GRIP1: variants seen among roughly 807,000 people sequenced by gnomAD.
GRIP1 encodes the protein glutamate receptor interacting protein 1.
GRIP1 carries 45 observed loss-of-function variants against 129.9 expected under a neutral mutation model. That is an observed-to-expected ratio of 0.35 (90% CI 0.27 to 0.44). GRIP1 has a LOEUF of 0.44. Among genes scored for constraint, GRIP1 ranks in the 20% least tolerant of loss-of-function variants. The probability of loss-of-function intolerance (pLI) is 1.00; values close to 1 mark genes in which losing one functional copy is unlikely to be tolerated. For synonymous variants in GRIP1, 530 were observed against 520.8 expected, an observed-to-expected ratio of 1.02 and a Z score of -0.24; for missense variants, 1,196 against 1,396.8, an observed-to-expected ratio of 0.86 and a Z score of 2.29.
chr12:66,613,848 A>T (rs923932216), intron 1 of GRIP1, among the ~76,000 whole-genome samples: 4 of 152,196 alleles, frequency 2.6e-5, no homozygotes, highest in Non-Finnish European at 5.9e-5. Context: ...TGCATCCTGG[A>T]GTTTAAAACA....
rs150592944 is a variant in GRIP1 at position 66,698,660 on chromosome 12, C to T, written c.-419-68324G>A. ...TTCGGTGAAGATAATAATAGTCTGG[C>T]CCCCCACCTCCTTTGTTGGCTCTAG... On this transcript the variant is annotated intron_variant, in intron 1 of 4. Transcript: ENST00000538373. Among the ~76,000 whole-genome samples, 497 of 152,212 alleles carry T rather than the reference C, an allele frequency of 3.3e-3. 1 individual carries two copies. Among genetic ancestry groups the T allele is most frequent in the African/African-American group, 0.011 (468 of 41,530 alleles).
chr12:66,676,390 T>G (rs1029118567), intron 1 of GRIP1, among the ~76,000 whole-genome samples: 1 of 152,158 alleles, frequency 6.6e-6, no homozygotes, highest in African/African-American at 2.4e-5. Context: ...GTGGGTGATA[T>G]CAACCACAAA....
chr12:66,612,559 C>G (rs1442359083), intron 1 of GRIP1, among the ~76,000 whole-genome samples: 1 of 152,014 alleles, frequency 6.6e-6, no homozygotes, highest in African/African-American at 2.4e-5. Flanking sequence ...ATCACTTGAG[C>G]CTGGGAGGTT....
intron 1 of GRIP1, among the ~76,000 whole-genome samples, chr12:67,050,996 A>G (rs975397618): frequency 6.6e-6 from 1 of 152,222 alleles, no homozygotes; most frequent in Non-Finnish European, 1.5e-5. Flanking sequence ...AGACTTAGGC[A>G]GATACTGAAC....
At chr12:66,666,231 T>C (rs1014564002) in intron 1 of GRIP1, among the ~76,000 whole-genome samples, 1 of 152,194 alleles carries the variant, frequency 6.6e-6, no homozygotes, top group African/African-American at 2.4e-5. Flanking sequence ...TATTTTTCAC[T>C]GGAGAATCAA....
intron 1 of GRIP1, among the ~76,000 whole-genome samples, chr12:66,646,495 G>A (rs764333935): frequency 6.6e-5 from 10 of 152,274 alleles, no homozygotes; most frequent in South Asian, 2.1e-4. Context: ...GTGGTGGCGC[G>A]CACCTGCAGT....
chr12:67,055,114 T>A (rs1045781023), intron 1 of GRIP1, among the ~76,000 whole-genome samples: 2 of 152,206 alleles, frequency 1.3e-5, no homozygotes, highest in African/African-American at 4.8e-5. Context: ...AAATCTCTCA[T>A]GGAATTTTGC....
intron 2 of GRIP1, chr12:66,568,749 C>A: frequency 4.2e-6 from 1 of 236,452 alleles, no homozygotes; most frequent in Non-Finnish European, 8.6e-6. Context: ...ATTGACATGG[C>A]TTGGAGAAGT....
intron 1 of GRIP1, among the ~76,000 whole-genome samples, chr12:66,633,883 T>C (rs1433194899): frequency 6.6e-6 from 1 of 152,048 alleles, no homozygotes; most frequent in African/African-American, 2.4e-5. Context: ...CACTTGAGAG[T>C]GTGATTGTGC....
rs530922199 is a variant in GRIP1 at position 66,666,277 on chromosome 12, T to G, written c.55+12573A>C. Among the ~76,000 whole-genome samples, 13 of 152,238 alleles carry G rather than the reference T, an allele frequency of 8.5e-5. No individual in the cohort carries two copies. The South Asian group carries it at 2.7e-3, about 32-fold the overall frequency. ...GGAATCCCTAAAGCAGGAGATGCAT[T>G]CTATGTTCCTAAATCTGTGCTACTC... On this transcript the variant is annotated intron_variant, in intron 1 of 24. Coordinates refer to ENST00000359742, the MANE Select transcript of GRIP1 (RefSeq NM_001366722.1).
intron 1 of GRIP1, among the ~76,000 whole-genome samples, chr12:66,764,686 G>C (rs1162270711): frequency 6.6e-6 from 1 of 152,154 alleles, no homozygotes; most frequent in Middle Eastern, 3.2e-3. Context: ...GGTGGAAAGG[G>C]AGTTTGTGTT....
intron 1 of GRIP1, among the ~76,000 whole-genome samples, chr12:66,993,261 C>CA (rs2042420803): frequency 6.6e-6 from 1 of 151,828 alleles, no homozygotes; most frequent in Non-Finnish European, 1.5e-5. Context: ...AGAAATATTT[C>CA]AAATCAATAA....
intron 15 of GRIP1, among the ~76,000 whole-genome samples, chr12:66,412,109 C>G (rs1396540942): frequency 6.6e-6 from 1 of 152,084 alleles, no homozygotes; most frequent in East Asian, 1.9e-4. Flanking sequence ...GGCCAACATT[C>G]AAATTTAGGA....
At chr12:66,621,678 T>C (rs2065272923) in intron 1 of GRIP1, among the ~76,000 whole-genome samples, 1 of 152,178 alleles carries the variant, frequency 6.6e-6, no homozygotes, top group Non-Finnish European at 1.5e-5. Context: ...CCCAAACTGT[T>C]TTCCACAGCA....
intron 1 of GRIP1, among the ~76,000 whole-genome samples, chr12:66,952,798 G>A (rs1051224501): frequency 6.6e-6 from 1 of 152,170 alleles, no homozygotes; most frequent in East Asian, 1.9e-4. Flanking sequence ...CTGGATGAAT[G>A]ATTTCATAAA....
intron 11 of GRIP1, among the ~76,000 whole-genome samples, chr12:66,448,211 C>G (rs2058685248): frequency 6.6e-6 from 1 of 152,002 alleles, no homozygotes; most frequent in South Asian, 2.1e-4. Context: ...AGCGAATCCT[C>G]TTCCCTCTCT....
At chr12:66,642,496 A>G (rs867880533) in intron 1 of GRIP1, among the ~76,000 whole-genome samples, 2 of 152,102 alleles carry the variant, frequency 1.3e-5, no homozygotes, top group Non-Finnish European at 2.9e-5. Context: ...ATGAGACTAT[A>G]TTAAAGAGTC....
At chr12:66,691,403 C>G (rs1221310646) in intron 1 of GRIP1, among the ~76,000 whole-genome samples, 1 of 152,122 alleles carries the variant, frequency 6.6e-6, no homozygotes, top group Non-Finnish European at 1.5e-5. Flanking sequence ...AGGGAAAAGT[C>G]TAAATATTTC....
chr12:66,355,567 C>A (rs1006772786), intron 23 of GRIP1, among the ~76,000 whole-genome samples: 14 of 152,092 alleles, frequency 9.2e-5, no homozygotes, highest in Admixed American at 7.2e-4. Flanking sequence ...GGCCCCACCA[C>A]CCACCGCCCA....
Sources: allele counts gnomAD v4.1 joint callset (sites outside exome capture counted in the v4.1 genomes callset), GRCh38; gene constraint gnomAD v4.1.1; transcripts MANE v1.5; gene names NCBI Gene and HGNC (gene_info 2026-07-23, HGNC 2026-07-21).